Variants in SAXO1 observed in about 807,000 individuals in gnomAD.
SAXO1 encodes the protein 4930500O09Rik.
A neutral mutation model predicts 17.5 loss-of-function variants in SAXO1; 21 were observed. The observed-to-expected ratio is 1.20, with a 90% CI of 0.85 to 1.72. The LOEUF (loss-of-function observed/expected upper bound fraction) is 1.72, where lower values mean the gene tolerates loss of function less well. Among genes scored for constraint, SAXO1 ranks in the 40% most tolerant of loss-of-function variants. SAXO1 has a pLI of 0.00. For synonymous variants in SAXO1, 274 were observed against 216.5 expected, an observed-to-expected ratio of 1.27 and a Z score of -2.33; for missense variants, 843 against 596.0, an observed-to-expected ratio of 1.41 and a Z score of -4.32.
intron 1 of SAXO1, among the ~76,000 whole-genome samples, chr9:19,029,572 TG>T (rs1358187839): frequency 1.3e-5 from 2 of 151,912 alleles, no homozygotes; most frequent in African/African-American, 4.8e-5. Flanking sequence ...CAGATTTAAT[TG>T]GGGTGGGAGG....
At chr9:18,946,295 A>T (rs1344019129) in intron 2 of SAXO1, among the ~76,000 whole-genome samples, 2 of 150,858 alleles carry the variant, frequency 1.3e-5, no homozygotes, top group Non-Finnish European at 3.0e-5. Flanking sequence ...AAAAAAAAAA[A>T]AAAAAAAAAA....
chr9:19,026,887 A>C (rs1021931825), intron 1 of SAXO1: 1 of 716,444 alleles, frequency 1.4e-6, no homozygotes, highest in Non-Finnish European at 2.6e-6. Context: ...AAACTAGAAA[A>C]GAAGATGGCA....
intron 1 of SAXO1, among the ~76,000 whole-genome samples, chr9:19,038,787 T>C (rs1034117257): frequency 5.9e-5 from 9 of 152,004 alleles, no homozygotes; most frequent in South Asian, 2.1e-4. Flanking sequence ...TGGCTGTGTA[T>C]GTGCAGCCAG....
chr9:19,040,351 G>C (rs1332826144), intron 1 of SAXO1, among the ~76,000 whole-genome samples: 1 of 152,242 alleles, frequency 6.6e-6, no homozygotes, highest in Non-Finnish European at 1.5e-5. Context: ...TTTGATTAAA[G>C]ATGTTAGAAA....
intron 1 of SAXO1, among the ~76,000 whole-genome samples, chr9:19,030,081 A>T (rs1835687183): frequency 6.6e-6 from 1 of 152,176 alleles, no homozygotes; most frequent in South Asian, 2.1e-4. Flanking sequence ...TTTGATGGGG[A>T]GCCACAGGGC....
intron 1 of SAXO1, among the ~76,000 whole-genome samples, chr9:19,046,641 G>T (rs1373035014): frequency 6.6e-6 from 1 of 151,810 alleles, no homozygotes; most frequent in East Asian, 1.9e-4. Flanking sequence ...GGCAGAGGTT[G>T]TGGTGAGCTG....
Position 18,938,807 on chromosome 9 carries a change from T to A in SAXO1, c.421+2830A>T, listed in dbSNP as rs141781943. On this transcript the variant is annotated intron_variant, in intron 3 of 3. Coordinates refer to ENST00000380534, the MANE Select transcript of SAXO1 (RefSeq NM_153707.4). Reference sequence around the variant, plus strand: ...AGAGTACTGCTGGGGTGTGGTGGGGTGCATGCGTGCGTGCGTGTGTGTGTG... The same window carrying A: ...AGAGTACTGCTGGGGTGTGGTGGGGAGCATGCGTGCGTGCGTGTGTGTGTG... Among the ~76,000 whole-genome samples the A allele has an allele frequency of 3.3e-3, 483 of 146,684 alleles. 1 individual carries two copies. The highest frequency in any genetic ancestry group is 0.012 in the African/African-American group (469 of 39,576).
At chr9:19,035,526 T>G (rs901443164), upstream of SAXO1, among the ~76,000 whole-genome samples, 6 of 152,104 alleles carry the variant, frequency 3.9e-5, no homozygotes, top group African/African-American at 1.4e-4. Context: ...TGCTGAAAAG[T>G]TACCCAAAAA....
chr9:19,033,051 G>T lies in SAXO1; in HGVS notation c.-143C>A. On this transcript the variant is annotated 5_prime_UTR_variant, in exon 1 of 4. Coordinates refer to ENST00000380534, the MANE Select transcript of SAXO1 (RefSeq NM_153707.4). Reference sequence around the variant, plus strand: ...GTTTACTCGAAGGAAAATTTAAGTGGCCCTTTTGCAATGTCCTGTCGTCTG... The same window carrying T: ...GTTTACTCGAAGGAAAATTTAAGTGTCCCTTTTGCAATGTCCTGTCGTCTG... 1.2e-6 allele frequency: 1 copy of T among 827,588 alleles called. No individual in the cohort carries two copies. Among genetic ancestry groups the T allele is most frequent in the Non-Finnish European group, 1.8e-6 (1 of 560,486 alleles). 51.3% of individuals were successfully genotyped at this position (827,588 alleles called of 1,614,324 possible).
Position 18,928,825 on chromosome 9 carries a change from TCTC to T in SAXO1, c.649_651del (p.Glu217del). On this transcript the variant is annotated inframe_deletion, in exon 4 of 4. Coordinates refer to ENST00000380534, the MANE Select transcript of SAXO1 (RefSeq NM_153707.4). The stretch of plus-strand genomic sequence containing the variant: ...TTCTCTGCTTCATGCACAAAGCGCT[TCTC>T]CACGGGGTGGGCCACATAGCTCATC... 1 of 1,614,090 alleles carries T rather than the reference TCTC, an allele frequency of 6.2e-7. No homozygotes were observed. Among genetic ancestry groups the T allele is most frequent in the Non-Finnish European group, 8.5e-7 (1 of 1,180,024 alleles).
intron 1 of SAXO1, among the ~76,000 whole-genome samples, chr9:18,964,845 G>A (rs1030083748): frequency 9.2e-5 from 14 of 152,268 alleles, no homozygotes; most frequent in African/African-American, 3.4e-4. Context: ...TAATTGTGAT[G>A]TTAGGGCATT....
chr9:18,928,216 G>T lies in SAXO1; in HGVS notation c.1261C>A (p.Leu421Ile), dbSNP rs773538656. 1.2e-6 allele frequency: 2 copies of T among 1,614,154 alleles called. No homozygotes were observed. Among genetic ancestry groups the T allele is most frequent in the Non-Finnish European group, 1.7e-6 (2 of 1,180,020 alleles). ...CCAGGAGGCTCAGGATATGAAGCTAGGCACCTGCCCATTTCCTTGGGAGTA... is the reference window on the plus strand; with the variant it reads ...CCAGGAGGCTCAGGATATGAAGCTATGCACCTGCCCATTTCCTTGGGAGTA... ...SFTPKEMGRC[L>I]ASYPEPPGYT... Residue 421 changes from leucine to isoleucine, a missense_variant, in exon 4 of 4, where the codon CTA becomes ATA. Coordinates refer to ENST00000380534, the MANE Select transcript of SAXO1 (RefSeq NM_153707.4).
At chr9:19,011,822 T>C (rs1393166792) in intron 1 of SAXO1, among the ~76,000 whole-genome samples, 1 of 151,468 alleles carries the variant, frequency 6.6e-6, no homozygotes, top group Non-Finnish European at 1.5e-5. Context: ...TACTAAACCA[T>C]TTCAATTTTA....
At chr9:18,931,744 G>T (rs1238826689) in intron 3 of SAXO1, among the ~76,000 whole-genome samples, 1 of 152,124 alleles carries the variant, frequency 6.6e-6, no homozygotes, top group African/African-American at 2.4e-5. Context: ...GTATCTTGCA[G>T]TGTCATTTAC....
intron 1 of SAXO1, among the ~76,000 whole-genome samples, chr9:19,042,144 C>G (rs994042071): frequency 1.3e-5 from 2 of 152,138 alleles, no homozygotes; most frequent in African/African-American, 4.8e-5. Context: ...TCTGAATAGA[C>G]ATTTCTCAAA....
intron 3 of SAXO1, among the ~76,000 whole-genome samples, chr9:18,934,925 T>A (rs1481823835): frequency 6.6e-6 from 1 of 152,164 alleles, no homozygotes; most frequent in Non-Finnish European, 1.5e-5. Flanking sequence ...TTTTTGTTTT[T>A]AATTTGCTTG....
intron 1 of SAXO1, among the ~76,000 whole-genome samples, chr9:19,048,295 A>T (rs965142762): frequency 6.6e-6 from 1 of 152,116 alleles, no homozygotes; most frequent in Non-Finnish European, 1.5e-5. Flanking sequence ...CGTCTCCACT[A>T]AAAATACAAA....
intron 1 of SAXO1, among the ~76,000 whole-genome samples, chr9:19,002,383 C>A (rs1834312833): frequency 6.6e-6 from 1 of 152,170 alleles, no homozygotes; most frequent in African/African-American, 2.4e-5. Flanking sequence ...ACTCCTCTCT[C>A]ACTCTTTCTA....
chr9:19,019,380 T>C (rs1012958928), intron 1 of SAXO1, among the ~76,000 whole-genome samples: 1 of 152,156 alleles, frequency 6.6e-6, no homozygotes, highest in Non-Finnish European at 1.5e-5. Flanking sequence ...CTGCCCAATG[T>C]AGGAGCCCTT....
Sources: gnomAD v4.1 joint callset for allele counts (sites outside exome capture counted in the v4.1 genomes callset) on GRCh38, gnomAD v4.1.1 for gene constraint, MANE v1.5 for transcripts, NCBI Gene and HGNC (gene_info 2026-07-23, HGNC 2026-07-21) for gene names.